Variants in ZNF420 observed in about 807,000 individuals in gnomAD.
ZNF420 encodes the protein ATM and p53-associated KZNF protein.
A neutral mutation model predicts 44.7 loss-of-function variants in ZNF420; 31 were observed. The observed-to-expected ratio is 0.69, with a 90% CI of 0.52 to 0.94. The LOEUF is 0.94. ZNF420 is among the 40% of genes least tolerant of loss of function. The probability of loss-of-function intolerance (pLI) is 0.00; values close to 1 mark genes in which losing one functional copy is unlikely to be tolerated. For synonymous variants in ZNF420, 245 were observed against 267.4 expected (o/e 0.92, Z 0.82); for missense variants, 681 against 827.9 (o/e 0.82, Z 2.18).
intron 4 of ZNF420, among the ~76,000 whole-genome samples, chr19:37,112,647 A>G (rs1214276812): frequency 2.0e-5 from 3 of 152,214 alleles, no homozygotes; most frequent in Non-Finnish European, 4.4e-5. Flanking sequence ...TAGCTGGATC[A>G]GTGCTTCCAA....
rs1035219391 is a variant in ZNF420 at position 37,058,727 on chromosome 19, A to T, written c.-124-21618A>T. Among the ~76,000 whole-genome samples the T allele has an allele frequency of 5.3e-5, 8 of 152,058 alleles. 1 individual carries two copies. The highest frequency in any genetic ancestry group is 1.3e-4 in the Admixed American group (2 of 15,270). ...TCCACCGGGCACATGCCCAGACACC[A>T]TTGTTCGTCTCGCAATCACCCCATA... On this transcript the variant is annotated intron_variant, in intron 1 of 4. Coordinates refer to the ZNF420 transcript ENST00000587029.
intron 1 of ZNF420, among the ~76,000 whole-genome samples, chr19:37,056,518 G>A (rs1967757181): frequency 6.6e-6 from 1 of 152,216 alleles, no homozygotes; most frequent in African/African-American, 2.4e-5. Context: ...GGAAAGCGGT[G>A]TCTTCTCGCA....
At chr19:37,048,258 A>G in intron 1 of ZNF420, among the ~76,000 whole-genome samples, 1 of 152,208 alleles carries the variant, frequency 6.6e-6, no homozygotes, top group East Asian at 1.9e-4. Flanking sequence ...TGCATTACTT[A>G]GAAGCATCAG....
intron 1 of ZNF420, among the ~76,000 whole-genome samples, chr19:37,008,244 CTGTG>C (rs147177906): frequency 1.3e-5 from 2 of 151,554 alleles, no homozygotes; most frequent in Non-Finnish European, 2.9e-5. Context: ...TGTACCACTG[CTGTG>C]TGTGTGTGTA....
intron 4 of ZNF420, among the ~76,000 whole-genome samples, chr19:37,093,550 G>A (rs1035883077): frequency 4.6e-5 from 7 of 151,998 alleles, no homozygotes; most frequent in Non-Finnish European, 1.0e-4. Context: ...AAGATGGCAC[G>A]AAGCTATTCA....
In ZNF420 at chr19:37,127,813, T is replaced by C; in HGVS notation, c.822T>C (p.Thr274=). Residue 274 remains threonine (T), a synonymous_variant, in exon 5 of 5, where the codon ACT becomes ACC. Transcript: ENST00000337995. ...TTACACTACACCAGAGACTTCATAC[T>C]GGTGAAAAGCTCTATGAATGTAAAG... ...SQLTLHQRLH[T]GEKLYECKEC... The C allele has an allele frequency of 6.2e-7, 1 of 1,613,840 alleles. No homozygotes were observed. The highest frequency in any genetic ancestry group is 1.3e-5 in the African/African-American group (1 of 74,974).
intron 1 of ZNF420, among the ~76,000 whole-genome samples, chr19:37,018,797 T>TGGC (rs1172224277): frequency 6.6e-6 from 1 of 152,174 alleles, no homozygotes; most frequent in Non-Finnish European, 1.5e-5. Context: ...CTCGAACTCC[T>TGGC]GGCCTCAAGT....
chr19:37,118,699 A>G (rs12981738), intron 4 of ZNF420, among the ~76,000 whole-genome samples: 2,753 of 151,812 alleles, frequency 0.018, 62 homozygotes, highest in East Asian at 0.047. Context: ...GTCAAGACCC[A>G]TCAGTGTGCT....
At chr19:37,020,216 CAA>C (rs376616699) in intron 1 of ZNF420, among the ~76,000 whole-genome samples, 4 of 99,880 alleles carry the variant, frequency 4.0e-5, no homozygotes, top group East Asian at 4.6e-4. Flanking sequence ...GACTCCGTCT[CAA>C]AAAAAAAAAA....
At position 37,058,254 on chromosome 19, in the gene ZNF420, T is replaced by C. The variant is rs550946321; in HGVS notation, c.-124-22091T>C. 2.0e-5 allele frequency among the ~76,000 whole-genome samples: 3 copies of C among 152,304 alleles called. No individual in the cohort carries two copies. In the South Asian group the frequency reaches 6.2e-4, roughly 32 times the overall value. On this transcript the variant is annotated intron_variant, in intron 1 of 4. Coordinates refer to the ZNF420 transcript ENST00000587029. ...ACTATCCTGGAACTCTGGGCTTCCA[T>C]ACCTGTTTCAGACAGGGAAGCTCCC...
chr19:37,128,067 G>A lies in ZNF420; in HGVS notation c.1076G>A (p.Gly359Asp), dbSNP rs1422313539. Reference protein sequence around the residue: ...LLMQHQRIHTGEKPYKCEECG... With the variant: ...LLMQHQRIHTDEKPYKCEECG... ...ATGCAACATCAGAGGATTCATACTGGTGAAAAACCCTATAAATGTGAAGAA... is the reference window on the plus strand; with the variant it reads ...ATGCAACATCAGAGGATTCATACTGATGAAAAACCCTATAAATGTGAAGAA... Residue 359 changes from glycine to aspartate, a missense_variant, in exon 5 of 5, where the codon GGT (glycine) becomes GAT (aspartate). Gly to Asp is a moderately conservative substitution (Grantham distance 94). This residue lies in a region of ZNF420 where 51 missense variants were observed against 106.8 expected (regional missense o/e 0.48). Transcript: ENST00000337995. The A allele has an allele frequency of 1.2e-6, 2 of 1,613,856 alleles. No homozygotes were observed. The highest frequency in any genetic ancestry group is 2.7e-5 in the African/African-American group (2 of 74,866).
intron 1 of ZNF420, among the ~76,000 whole-genome samples, chr19:37,027,697 G>T (rs543363580): frequency 6.6e-6 from 1 of 152,156 alleles, no homozygotes; most frequent in East Asian, 1.9e-4. Flanking sequence ...TTTTCACATT[G>T]GCTTCTTTCA....
intron 1 of ZNF420, among the ~76,000 whole-genome samples, chr19:37,064,066 A>G (rs1196696734): frequency 1.3e-5 from 2 of 152,228 alleles, no homozygotes; most frequent in African/African-American, 2.4e-5. Flanking sequence ...TGTAGAAAGA[A>G]TGCCACAAAA....
intron 1 of ZNF420, among the ~76,000 whole-genome samples, chr19:37,033,514 A>G (rs1967299956): frequency 6.6e-6 from 1 of 152,200 alleles, no homozygotes; most frequent in African/African-American, 2.4e-5. Context: ...AGGTTCATCC[A>G]TGTTGTAGCA....
intron 1 of ZNF420, among the ~76,000 whole-genome samples, chr19:37,044,197 A>G (rs1359005828): frequency 6.6e-6 from 1 of 152,210 alleles, no homozygotes; most frequent in Non-Finnish European, 1.5e-5. Flanking sequence ...TAAACTTGGC[A>G]TCTACTATTT....
rs933007155 is a variant in ZNF420 at position 37,127,298 on chromosome 19, C to T, written c.307C>T (p.Gln103Ter). ...CAAGATGGAGAAGCAACAAGAAAAT[C>T]AGAAGGAATATTTCAGGCAAGGGAT... ...KGKMEKQQEN[Q>*]KEYFRQGMII... Residue 103 changes from glutamine (Q) to a stop codon, truncating the protein, a stop_gained, in exon 5 of 5, where the codon CAG becomes TAG. Transcript: ENST00000337995. LOFTEE classifies it low-confidence loss of function (END_TRUNC). 4.3e-6 allele frequency: 7 copies of T among 1,612,904 alleles called. No individual in the cohort carries two copies. The highest frequency in any genetic ancestry group is 3.3e-4 in the Middle Eastern group (2 of 6,076).
intron 4 of ZNF420, among the ~76,000 whole-genome samples, chr19:37,113,480 G>T (rs1458781422): frequency 6.6e-6 from 1 of 152,058 alleles, no homozygotes; most frequent in African/African-American, 2.4e-5. Flanking sequence ...CCTTTTAATG[G>T]TTTAATGGCT....
At chr19:37,094,027 G>A (rs71356036) in intron 4 of ZNF420, among the ~76,000 whole-genome samples, 30 of 152,158 alleles carry the variant, frequency 2.0e-4, no homozygotes, top group Non-Finnish European at 4.0e-4. Flanking sequence ...AAATAGCTAC[G>A]GTCTTTTAAA....
intron 1 of ZNF420, among the ~76,000 whole-genome samples, chr19:37,060,618 T>C (rs974077175): frequency 1.3e-5 from 2 of 151,858 alleles, no homozygotes; most frequent in South Asian, 2.1e-4. Context: ...TTCTGCTTGA[T>C]TGGGTAGGTT....
Sources: gnomAD v4.1 joint callset for allele counts (sites outside exome capture counted in the v4.1 genomes callset) on GRCh38, gnomAD v4.1.1 for gene constraint, gnomAD v4.1.1 regional missense constraint, MANE v1.5 for transcripts, NCBI Gene and HGNC (gene_info 2026-07-23, HGNC 2026-07-21) for gene names.